Variants in REEP1 observed in about 807,000 individuals in gnomAD.
REEP1 encodes receptor expression-enhancing protein 1.
In REEP1, 22 loss-of-function variants were observed where a neutral mutation model predicts 40.3. That is an observed-to-expected ratio of 0.55 (90% confidence interval 0.39 to 0.78). REEP1 has a LOEUF of 0.78. Among genes scored for constraint, REEP1 ranks in the 30% least tolerant of loss-of-function variants. REEP1 has a pLI of 0.00. For synonymous variants in REEP1, 116 were observed against 139.2 expected (o/e 0.83, Z 1.17); for missense variants, 280 against 361.1 (o/e 0.78, Z 1.82).
At chr2:86,311,426 C>T (rs1679760064) in intron 1 of REEP1, among the ~76,000 whole-genome samples, 1 of 152,150 alleles carries the variant, frequency 6.6e-6, no homozygotes, top group Non-Finnish European at 1.5e-5. Flanking sequence ...TCTCATCATT[C>T]TGCAGTCTAG....
rs748006444 is a variant in REEP1 at position 86,232,751 on chromosome 2, T to C, written c.469A>G (p.Thr157Ala). The change falls in exon 6 of 9, where the codon ACC becomes GCC. Residue 157 changes from threonine (T) to alanine (A), a missense_variant. Coordinates refer to ENST00000538924, the MANE Select transcript of REEP1 (RefSeq NM_001371279.1). ...GGGGCGCCGTCTCCCCTGATGGTGG[T>C]GAGGTCCTGCATGCTGAAGCTCCGC... The part of the protein sequence containing the change: ...RLRSFSMQDL[T>A]TIRGDGAPAP... The C allele has an allele frequency of 6.2e-7, 1 of 1,606,794 alleles. No individual in the cohort carries two copies. Among genetic ancestry groups the C allele is most frequent in the South Asian group, 1.1e-5 (1 of 91,086 alleles).
intron 1 of REEP1, among the ~76,000 whole-genome samples, chr2:86,283,081 C>T (rs1385797519): frequency 2.0e-5 from 3 of 152,126 alleles, no homozygotes; most frequent in Non-Finnish European, 4.4e-5. Context: ...CCCTGGCCTC[C>T]CTAACTAGCT....
intron 5 of REEP1, among the ~76,000 whole-genome samples, chr2:86,247,174 C>T (rs75056535): frequency 0.011 from 1,694 of 152,122 alleles, 32 homozygotes; most frequent in African/African-American, 0.039. Context: ...AGGAGCAGAG[C>T]CAGCAGAGAC....
At chr2:86,265,935 T>C (rs1291985786) in intron 2 of REEP1, among the ~76,000 whole-genome samples, 2 of 152,106 alleles carry the variant, frequency 1.3e-5, no homozygotes, top group African/African-American at 4.8e-5. Context: ...CCTAAAGCTA[T>C]AAACACAAAA....
At chr2:86,257,235 C>T (rs560788713) in intron 3 of REEP1, among the ~76,000 whole-genome samples, 1 of 152,232 alleles carries the variant, frequency 6.6e-6, no homozygotes, top group East Asian at 1.9e-4. Context: ...CCAGCAAGCT[C>T]AGACACCAAC....
chr2:86,233,572 GATGAGAGA>G (rs1675143433), intron 5 of REEP1, among the ~76,000 whole-genome samples: 1 of 152,154 alleles, frequency 6.6e-6, no homozygotes, highest in Non-Finnish European at 1.5e-5. Context: ...TCACTGTCTG[GATGAGAGA>G]ATGTGTCAGA....
Position 86,337,590 on chromosome 2 carries a change from G to A in REEP1, c.-80C>T, listed in dbSNP as rs1681112702. The A allele has an allele frequency of 1.1e-5, 13 of 1,170,160 alleles. No homozygotes were observed. Among genetic ancestry groups the A allele is most frequent in the African/African-American group, 1.6e-5 (1 of 61,388 alleles). The allele number at this position is 1,170,160 out of a possible 1,614,324, so 72.5% of individuals were successfully genotyped here. On this transcript the variant is annotated 5_prime_UTR_variant, in exon 1 of 9. Coordinates refer to ENST00000538924, the MANE Select transcript of REEP1 (RefSeq NM_001371279.1). This position sits in a 1 kb window ranked among gnomAD's most constrained non-coding sequence, Gnocchi z 5.8. ...CGGCGCGGGCTGCTGCGGCGTTCCC[G>A]GAACGTCAGTCAGCTCACGGCAGCC...
chr2:86,273,494 C>A (rs963541824), intron 2 of REEP1, among the ~76,000 whole-genome samples: 2 of 152,022 alleles, frequency 1.3e-5, no homozygotes, highest in Non-Finnish European at 2.9e-5. Flanking sequence ...CCATGTTGCC[C>A]AGGCTGGCCT....
chr2:86,247,524 C>T (rs1301268743), intron 5 of REEP1, among the ~76,000 whole-genome samples: 2 of 151,802 alleles, frequency 1.3e-5, no homozygotes, highest in Admixed American at 6.6e-5. Context: ...CATAGAAAGA[C>T]CTTATATAAA....
intron 1 of REEP1, among the ~76,000 whole-genome samples, chr2:86,309,724 T>G (rs1381810477): frequency 6.6e-6 from 1 of 152,176 alleles, no homozygotes; most frequent in Non-Finnish European, 1.5e-5. Flanking sequence ...CTCTAGTGTC[T>G]CTTCCTCTAA....
intron 1 of REEP1, among the ~76,000 whole-genome samples, chr2:86,316,497 G>A (rs530556458): frequency 4.1e-4 from 59 of 143,358 alleles, no homozygotes; most frequent in African/African-American, 1.5e-3. Flanking sequence ...GCAGTGAGCC[G>A]AGATCGTGCC....
At chr2:86,257,778 C>T (rs1676647231) in intron 3 of REEP1, among the ~76,000 whole-genome samples, 1 of 152,152 alleles carries the variant, frequency 6.6e-6, no homozygotes, top group African/African-American at 2.4e-5. Context: ...GCTGGGATTA[C>T]AGGCGTGCAC....
chr2:86,221,472 C>G (rs1674423532), intron 7 of REEP1, among the ~76,000 whole-genome samples: 1 of 152,224 alleles, frequency 6.6e-6, no homozygotes, highest in Non-Finnish European at 1.5e-5. Flanking sequence ...CTCCCTTCCT[C>G]TGTCCTAATC....
intron 1 of REEP1, among the ~76,000 whole-genome samples, chr2:86,308,635 G>A (rs1679615934): frequency 6.6e-6 from 1 of 152,208 alleles, no homozygotes; most frequent in African/African-American, 2.4e-5. Flanking sequence ...ACAACTGGAA[G>A]GGCATGTACA....
chr2:86,228,520 A>G (rs1378610037), intron 6 of REEP1, among the ~76,000 whole-genome samples: 2 of 149,784 alleles, frequency 1.3e-5, no homozygotes, highest in Non-Finnish European at 3.0e-5. Context: ...GTGCAATGGC[A>G]TGATCTCAGC....
intron 2 of REEP1, among the ~76,000 whole-genome samples, chr2:86,279,464 A>G (rs966688452): frequency 2.0e-5 from 3 of 152,226 alleles, no homozygotes; most frequent in Non-Finnish European, 2.9e-5. Context: ...CAGGAGAACC[A>G]GTTAGGAGGT....
chr2:86,282,501 G>A (rs1678152515), intron 1 of REEP1, among the ~76,000 whole-genome samples: 1 of 151,996 alleles, frequency 6.6e-6, no homozygotes, highest in Non-Finnish European at 1.5e-5. Flanking sequence ...GGGGGTCATG[G>A]AAGCCAAAAA....
At position 86,232,647 on chromosome 2, in the gene REEP1, A is replaced by G. The variant is rs1177059008; in HGVS notation, c.573T>C (p.Ala191=). 6.2e-7 allele frequency: 1 copy of G among 1,612,892 alleles called. No homozygotes were observed. The highest frequency in any genetic ancestry group is 1.3e-5 in the African/African-American group (1 of 74,946). The change falls in exon 6 of 9, where the codon GCT becomes GCC. Residue 191 remains alanine, a synonymous_variant. Transcript: ENST00000538924. ...KHGQPKMSRS[A]SESASSSVCT... ...TACCTGAGCTGCTAGCGCTCTCAGA[A>G]GCACTCCTGGACATCTTAGGCTGGC...
At chr2:86,230,787 T>C (rs1008266856) in intron 6 of REEP1, among the ~76,000 whole-genome samples, 5 of 151,844 alleles carry the variant, frequency 3.3e-5, no homozygotes, top group African/African-American at 1.2e-4. Flanking sequence ...GGTGCAGAGA[T>C]GGTAAATAGC....
Sources: allele counts gnomAD v4.1 joint callset (sites outside exome capture counted in the v4.1 genomes callset), GRCh38; gene constraint gnomAD v4.1.1; non-coding constraint Gnocchi (gnomAD v3.1); transcripts MANE v1.5; gene names NCBI Gene and HGNC (gene_info 2026-07-23, HGNC 2026-07-21).